Variants in ZFYVE9 observed in about 807,000 individuals in gnomAD.
The protein encoded by ZFYVE9 is zinc finger FYVE-type containing 9.
ZFYVE9 carries 43 observed loss-of-function variants against 126.7 expected under a neutral mutation model. The ratio of observed to expected loss-of-function variants is 0.34; its 90% CI spans 0.27 to 0.44. ZFYVE9 has a LOEUF of 0.44. Among genes scored for constraint, ZFYVE9 ranks in the 20% least tolerant of loss-of-function variants. The pLI, the probability that ZFYVE9 is intolerant of heterozygous loss-of-function variation, is 1.00. For missense variants in ZFYVE9, 1,476 were observed against 1,697.0 expected (o/e 0.87, Z 2.29); for synonymous variants, 521 against 597.4 (o/e 0.87, Z 1.87).
chr1:52,282,346 A>G (rs1645813450), intron 10 of ZFYVE9, among the ~76,000 whole-genome samples: 1 of 152,154 alleles, frequency 6.6e-6, no homozygotes, highest in Admixed American at 6.5e-5. Flanking sequence ...AAAGAAACAC[A>G]TTATTTGACA....
At chr1:52,187,129 A>G (rs977844633) in intron 1 of ZFYVE9, among the ~76,000 whole-genome samples, 13 of 152,294 alleles carry the variant, frequency 8.5e-5, no homozygotes, top group Admixed American at 6.5e-4. Flanking sequence ...ACGTAAACCA[A>G]TGGAACAGAA....
rs1381981479 is a variant in ZFYVE9, at chr1:52,239,568, G to A, written c.2151G>A (p.Arg717=). Residue 717 remains arginine, a synonymous_variant, in exon 4 of 19, where the codon AGG becomes AGA. Coordinates refer to ENST00000287727, the MANE Select transcript of ZFYVE9 (RefSeq NM_004799.4). ...KCEARFTFTK[R]RHHCRACGKV... ...AAGCCAGGTTTACATTCACCAAAAG[G>A]AGGCATCACTGCAGAGCATGTGGGA... 6.2e-7 allele frequency: 1 copy of A among 1,613,916 alleles called. No individual in the cohort carries two copies. The highest frequency in any genetic ancestry group is 8.5e-7 in the Non-Finnish European group (1 of 1,179,862).
rs372728649 is a variant in ZFYVE9 at position 52,306,586 on chromosome 1, T to C, written c.3438+2661T>C. Among the ~76,000 whole-genome samples, 6 of 152,318 alleles carry C rather than the reference T, an allele frequency of 3.9e-5. No homozygotes were observed. The East Asian group carries it at 1.2e-3, about 29-fold the overall frequency. On this transcript the variant is annotated intron_variant, in intron 13 of 18. Coordinates refer to ENST00000287727, the MANE Select transcript of ZFYVE9 (RefSeq NM_004799.4). ...CTGTGACACAAACAAGGCTGAAACA[T>C]GCCCCTTGCTTGCCACATTGCAAGT...
In ZFYVE9 at chr1:52,301,291, CTTTTTTTTTTTTTTT is replaced by C. The variant is rs527599525; in HGVS notation, c.3334-2517_3334-2503del. 1.2e-3 allele frequency among the ~76,000 whole-genome samples: 87 copies of C among 72,650 alleles called. 1 individual carries two copies. The highest frequency in any genetic ancestry group is 4.6e-3 in the African/African-American group (72 of 15,546). 47.7% of individuals were successfully genotyped at this position (72,650 alleles called of 152,430 possible). A position where few individuals can be genotyped will look rare whatever the true frequency, so the allele number is the denominator to read the frequency against. On this transcript the variant is annotated intron_variant, in intron 12 of 18. Transcript: ENST00000287727. ...CTTAACGTTGTTTTTCTTTTTCCAT[CTTTTTTTTTTTTTTT>C]TTTTTTTTTTTTGGAAATAGGGTCT...
chr1:52,237,820 A>C lies in ZFYVE9; in HGVS notation c.403A>C (p.Lys135Gln). The C allele has an allele frequency of 6.2e-7, 1 of 1,614,118 alleles. No individual in the cohort carries two copies. The highest frequency in any genetic ancestry group is 8.5e-7 in the Non-Finnish European group (1 of 1,179,980). The change falls in exon 4 of 19, where the codon AAA becomes CAA. Residue 135 changes from lysine (K) to glutamine (Q), a missense_variant. Physicochemically the swap from Lys to Gln is moderately conservative, Grantham distance 53. Around this residue, in one of 2 missense-constraint regions of ZFYVE9, gnomAD observed 807 missense variants for 794.6 expected, o/e 1.02. Coordinates refer to ENST00000287727, the MANE Select transcript of ZFYVE9 (RefSeq NM_004799.4). ...QCSAVEVGEK[K>Q]CGNLACLPDE... ...CAGTGCTGTTGAAGTGGGAGAGAAG[A>C]AATGTGGAAACCTGGCTTGTCTGCC... is the stretch of plus-strand genomic sequence containing the variant.
At chr1:52,341,077 G>A (rs1202367422) in intron 17 of ZFYVE9, among the ~76,000 whole-genome samples, 2 of 151,326 alleles carry the variant, frequency 1.3e-5, no homozygotes, top group Non-Finnish European at 2.9e-5. Context: ...AAAATTAGCC[G>A]GGCATGGTGG....
At chr1:52,236,120 T>C (rs1251651693) in intron 3 of ZFYVE9, among the ~76,000 whole-genome samples, 6 of 152,186 alleles carry the variant, frequency 3.9e-5, no homozygotes, top group Non-Finnish European at 8.8e-5. Context: ...ATTAGATGTT[T>C]GTACGTGTCT....
chr1:52,230,933 A>C (rs956603400), intron 2 of ZFYVE9, among the ~76,000 whole-genome samples: 2 of 152,176 alleles, frequency 1.3e-5, no homozygotes, highest in Admixed American at 1.3e-4. Context: ...TAAGCTTTAT[A>C]ATGTTAGGGA....
chr1:52,183,047 AAAGT>A (rs1644729735), intron 1 of ZFYVE9, among the ~76,000 whole-genome samples: 1 of 152,184 alleles, frequency 6.6e-6, no homozygotes, highest in Non-Finnish European at 1.5e-5. Context: ...GTAAGAATTG[AAAGT>A]AAGTAAAGGT....
chr1:52,254,158 C>A, intron 4 of ZFYVE9: 1 of 676,788 alleles, frequency 1.5e-6, no homozygotes, highest in South Asian at 1.8e-5. Context: ...CTATAGATTT[C>A]ATGATGTATT....
chr1:52,179,818 A>G (rs1644680412), intron 1 of ZFYVE9: 1 of 603,892 alleles, frequency 1.7e-6, no homozygotes, highest in African/African-American at 1.9e-5. Flanking sequence ...ATTAGGGGGC[A>G]CAGCTGGCTT....
At chr1:52,209,583 C>A (rs755237294) in intron 1 of ZFYVE9, among the ~76,000 whole-genome samples, 17 of 152,128 alleles carry the variant, frequency 1.1e-4, no homozygotes, top group Non-Finnish European at 2.4e-4. Flanking sequence ...ATTAATAGAG[C>A]CACATAATAT....
At chr1:52,344,727 T>C (rs746375088) in intron 17 of ZFYVE9, 41 bp from the exon 18 acceptor site, 2 of 1,606,084 alleles carry the variant, frequency 1.2e-6, no homozygotes, top group South Asian at 2.2e-5. Context: ...TCTCCCAAAA[T>C]CTAGGCACAA....
In ZFYVE9 at chr1:52,239,018, T is replaced by C; in HGVS notation, c.1601T>C (p.Leu534Pro). The C allele has an allele frequency of 6.2e-7, 1 of 1,614,176 alleles. No homozygotes were observed. The highest frequency in any genetic ancestry group is 8.5e-7 in the Non-Finnish European group (1 of 1,180,014). The change falls in exon 4 of 19, where the codon CTT (leucine) becomes CCT (proline). Residue 534 changes from leucine to proline, a missense_variant. Leu to Pro is a moderately conservative substitution (Grantham distance 98). Around this residue, in one of 2 missense-constraint regions of ZFYVE9, gnomAD observed 807 missense variants for 794.6 expected, o/e 1.02. Transcript: ENST00000287727. The part of the protein sequence containing the change: ...GNEATEGSGL[L>P]LNSTGDLMKK... Reference sequence around the variant, plus strand: ...GAGGCCACAGAAGGGAGTGGACTACTTTTAAACAGCACTGGTGACCTAATG... The same window carrying C: ...GAGGCCACAGAAGGGAGTGGACTACCTTTAAACAGCACTGGTGACCTAATG...
At chr1:52,200,586 G>T (rs186483615) in intron 1 of ZFYVE9, among the ~76,000 whole-genome samples, 3 of 152,224 alleles carry the variant, frequency 2.0e-5, no homozygotes, top group South Asian at 2.1e-4. Context: ...CAAATCAAAG[G>T]TCATCTAGAT....
intron 2 of ZFYVE9, among the ~76,000 whole-genome samples, chr1:52,227,857 C>T (rs948021661): frequency 6.6e-6 from 1 of 152,066 alleles, no homozygotes; most frequent in Admixed American, 6.5e-5. Flanking sequence ...TCAGTTTAGC[C>T]CCTCTGGTGC....
intron 1 of ZFYVE9, among the ~76,000 whole-genome samples, chr1:52,194,951 GA>G (rs1644847063): frequency 6.8e-5 from 10 of 146,580 alleles, no homozygotes; most frequent in African/African-American, 2.8e-4. Flanking sequence ...GTGTAGTGCT[GA>G]TTGATTATAA....
At position 52,236,539 on chromosome 1, in the gene ZFYVE9, C is replaced by T. The variant is rs567506155; in HGVS notation, c.71-949C>T. ...ACTGAGTGCATTGTTCCTTATTTCTCTAATTTACTTAGACATATGCAGTAG... is the reference window on the plus strand; with the variant it reads ...ACTGAGTGCATTGTTCCTTATTTCTTTAATTTACTTAGACATATGCAGTAG... On this transcript the variant is annotated intron_variant, in intron 3 of 18. Coordinates refer to ENST00000287727, the MANE Select transcript of ZFYVE9 (RefSeq NM_004799.4). Among the ~76,000 whole-genome samples the T allele has an allele frequency of 1.6e-4, 25 of 152,242 alleles. 1 individual carries two copies. In the South Asian group the frequency reaches 5.0e-3, roughly 30 times the overall value.
chr1:52,153,970 G>A (rs1313104062), intron 1 of ZFYVE9, among the ~76,000 whole-genome samples: 18 of 152,178 alleles, frequency 1.2e-4, no homozygotes, highest in Non-Finnish European at 5.9e-5. Context: ...TTGTCTCTGA[G>A]CTAGTACATT....
Sources: allele counts gnomAD v4.1 joint callset (sites outside exome capture counted in the v4.1 genomes callset), GRCh38; gene constraint gnomAD v4.1.1; regional missense constraint gnomAD v4.1.1; transcripts MANE v1.5; gene names NCBI Gene and HGNC (gene_info 2026-07-23, HGNC 2026-07-21).